The following SLCO4A1 variants were observed in gnomAD, a reference collection of about 807,000 sequenced individuals.
The protein encoded by SLCO4A1 is colon organic anion transporter.
In SLCO4A1, 51 loss-of-function variants were observed where a neutral mutation model predicts 64.6. The observed-to-expected ratio is 0.79, with a 90% CI of 0.63 to 1.00. The LOEUF (loss-of-function observed/expected upper bound fraction) is 1.00. SLCO4A1 is among the 50% of genes least tolerant of loss of function. The pLI is 0.00. For missense variants in SLCO4A1, 919 were observed against 980.5 expected, an observed-to-expected ratio of 0.94 and a Z score of 0.84; for synonymous variants, 471 against 444.9, an observed-to-expected ratio of 1.06 and a Z score of -0.74.
downstream of SLCO4A1, among the ~76,000 whole-genome samples, chr20:62,686,649 T>G (rs1988068344): frequency 2.6e-5 from 4 of 152,090 alleles, no homozygotes; most frequent in Non-Finnish European, 1.5e-5. Flanking sequence ...TATTATAAGG[T>G]GAAAAGAAAA....
intron 6 of SLCO4A1, 117 bp from the exon 7 acceptor site, chr20:62,666,263 A>G (rs1986315876): frequency 1.2e-6 from 1 of 803,144 alleles, no homozygotes; most frequent in African/African-American, 1.7e-5. Context: ...TGCAGGCAGG[A>G]ATTGATCCCT....
At chr20:62,666,102 CCCGCCCCGCCCCCCCGCT>C (rs1986200767) in intron 6 of SLCO4A1, 1 of 47,020 alleles carries the variant, frequency 2.1e-5, no homozygotes, top group African/African-American at 6.3e-5. Flanking sequence ...CTCCCCCCGC[CCCGCCCCGCCCCCCCGCT>C]CCCCCTTCCC....
chr20:62,647,523 C>T (rs1352094748), intron 1 of SLCO4A1, among the ~76,000 whole-genome samples: 7 of 152,266 alleles, frequency 4.6e-5, no homozygotes, highest in Admixed American at 2.0e-4. Flanking sequence ...GGGTGCTACC[C>T]ACCCAGCCCA....
intron 3 of SLCO4A1, among the ~76,000 whole-genome samples, chr20:62,659,995 G>C (rs116143999): frequency 6.6e-6 from 1 of 152,234 alleles, no homozygotes; most frequent in Non-Finnish European, 1.5e-5. Flanking sequence ...CCTTCGTGGG[G>C]AGCTCTCAGT....
At chr20:62,655,685 C>T (rs1486457128) in intron 1 of SLCO4A1, among the ~76,000 whole-genome samples, 1 of 152,196 alleles carries the variant, frequency 6.6e-6, no homozygotes, top group Admixed American at 6.5e-5. Context: ...CTGTTAGCCA[C>T]AGGCTGACCC....
At chr20:62,684,792 C>T (rs1165253344) in intron 2 of SLCO4A1, among the ~76,000 whole-genome samples, 1 of 152,198 alleles carries the variant, frequency 6.6e-6, no homozygotes, top group African/African-American at 2.4e-5. Context: ...GCCCCCACCC[C>T]AGCAATCCCC....
intron 5 of SLCO4A1, among the ~76,000 whole-genome samples, chr20:62,664,032 G>T (rs1240606162): frequency 6.6e-6 from 1 of 152,098 alleles, no homozygotes; most frequent in African/African-American, 2.4e-5. Context: ...CAGCCCCGAC[G>T]CACTGCTGTC....
In SLCO4A1 at chr20:62,656,729, C is replaced by T; in HGVS notation, c.275C>T (p.Ala92Val). 6.2e-7 allele frequency: 1 copy of T among 1,611,434 alleles called. No homozygotes were observed. Among genetic ancestry groups the T allele is most frequent in the East Asian group, 2.2e-5 (1 of 44,842 alleles). The change falls in exon 2 of 12, where the codon GCA becomes GTA. Residue 92 changes from alanine (A) to valine (V), a missense_variant. Physicochemically the swap from Ala to Val is moderately conservative, Grantham distance 64. Transcript: ENST00000217159. ...QSVACGWWAF[A>V]PPCLQVLNTP... The stretch of plus-strand genomic sequence containing the variant: ...GTGGCGTGCGGCTGGTGGGCCTTCG[C>T]ACCGCCGTGCCTGCAGGTCCTCAAC...
At chr20:62,655,614 G>A (rs910612177) in intron 1 of SLCO4A1, among the ~76,000 whole-genome samples, 32 of 152,282 alleles carry the variant, frequency 2.1e-4, no homozygotes, top group African/African-American at 7.7e-4. Flanking sequence ...GGTTCAGAAG[G>A]AAGGTGGCAC....
rs1223259208 is a variant in SLCO4A1, at chr20:62,666,545, T to A, written c.1442T>A (p.Met481Lys). The change falls in exon 7 of 12, where the codon ATG (methionine) becomes AAG (lysine). Residue 481 changes from methionine (M) to lysine (K), a missense_variant. By Grantham distance (95) the Met-to-Lys change is moderately conservative. Coordinates refer to ENST00000217159, the MANE Select transcript of SLCO4A1 (RefSeq NM_016354.4). ...VFSLHCPSVP[M>K]AGVTASYGGS... is the part of the protein sequence containing the mutation. ...TCACTGCACTGCCCCAGTGTGCCCA[T>A]GGCGGGCGTCACAGCCAGCTACGGC... The A allele has an allele frequency of 1.2e-6, 2 of 1,612,844 alleles. No individual in the cohort carries two copies. Among genetic ancestry groups the A allele is most frequent in the South Asian group, 1.1e-5 (1 of 91,090 alleles).
At chr20:62,658,817 C>T (rs763968840) in intron 3 of SLCO4A1, 50 bp downstream of exon 3, 7 of 1,469,506 alleles carry the variant, frequency 4.8e-6, no homozygotes, top group Non-Finnish European at 5.6e-6. Flanking sequence ...CCACGTGTCT[C>T]TGGAAGGGGG....
At chr20:62,682,246 C>T (rs1987867991) in intron 2 of SLCO4A1, among the ~76,000 whole-genome samples, 1 of 152,234 alleles carries the variant, frequency 6.6e-6, no homozygotes, top group African/African-American at 2.4e-5. Context: ...CCTGCAGCAC[C>T]TTGTCCACAC....
At chr20:62,658,294 C>T (rs747151458) in intron 2 of SLCO4A1, among the ~76,000 whole-genome samples, 2 of 152,246 alleles carry the variant, frequency 1.3e-5, no homozygotes, top group Admixed American at 6.5e-5. Context: ...CAAATCCCGG[C>T]CTGTGGGAGA....
intron 3 of SLCO4A1, 121 bp downstream of exon 3, chr20:62,658,888 CCCGGGCTGGAGGGAGT>C (rs1984261377): frequency 3.6e-6 from 3 of 843,656 alleles, no homozygotes; most frequent in Non-Finnish European, 5.7e-6. Context: ...CTGGGCACCC[CCCGGGCTGGAGGGAGT>C]CAAGGCTGGC....
downstream of SLCO4A1, among the ~76,000 whole-genome samples, chr20:62,675,594 C>T (rs969260210): frequency 6.6e-6 from 1 of 152,202 alleles, no homozygotes; most frequent in African/African-American, 2.4e-5. Context: ...GGTCCCGGCC[C>T]CAGCCCCCCA....
Position 62,680,155 on chromosome 20 carries a change from T to G in SLCO4A1, n.212-5286T>G, listed in dbSNP as rs6062814. Among the ~76,000 whole-genome samples the G allele has an allele frequency of 7.2e-3, 1,104 of 152,338 alleles. 8 individuals are homozygous for G. Among genetic ancestry groups the G allele is most frequent in the Admixed American group, 0.015 (229 of 15,300 alleles). On this transcript the variant is annotated intron_variant and non_coding_transcript_variant, in intron 2 of 2. Coordinates refer to the SLCO4A1 transcript ENST00000466818. ...ACGTTCGTAGAAACTGCTGCTGTAT[T>G]TGAAATTTCATTTCCCAGTGCCCTC...
chr20:62,676,533 G>A (rs962328814), downstream of SLCO4A1, among the ~76,000 whole-genome samples: 1 of 152,232 alleles, frequency 6.6e-6, no homozygotes, highest in African/African-American at 2.4e-5. Context: ...AAAGGCCAAC[G>A]AGCCCAGGAG....
chr20:62,662,333 G>T (rs1390396608), intron 5 of SLCO4A1, among the ~76,000 whole-genome samples: 1 of 152,124 alleles, frequency 6.6e-6, no homozygotes, highest in African/African-American at 2.4e-5. Context: ...TGGGAACATC[G>T]TGTAGGCACT....
At chr20:62,674,636 A>G (rs992155384), downstream of SLCO4A1, among the ~76,000 whole-genome samples, 5 of 152,176 alleles carry the variant, frequency 3.3e-5, no homozygotes, top group African/African-American at 1.2e-4. Flanking sequence ...CACAGTGACA[A>G]ATGGGCAGAG....
Sources: gnomAD v4.1 joint callset for allele counts (sites outside exome capture counted in the v4.1 genomes callset) on GRCh38, gnomAD v4.1.1 for gene constraint, MANE v1.5 for transcripts, NCBI Gene and HGNC (gene_info 2026-07-23, HGNC 2026-07-21) for gene names.